FHIP1B: variants seen among roughly 807,000 people sequenced by gnomAD.
FHIP1B encodes the protein FHF complex subunit HOOK interacting protein 1B.
A neutral mutation model predicts 82.2 loss-of-function variants in FHIP1B; 28 were observed. The observed-to-expected ratio is 0.34, with a 90% CI of 0.25 to 0.47. The LOEUF is 0.47. Ranked by LOEUF, FHIP1B falls within the 20% of genes least tolerant of loss-of-function variation. FHIP1B has a pLI of 1.00. For synonymous variants in FHIP1B, 585 were observed against 516.1 expected (o/e 1.13, Z -1.81); for missense variants, 1,110 against 1,262.6 (o/e 0.88, Z 1.83).
Position 6,213,822 on chromosome 11 carries a change from T to C in FHIP1B, c.2557+589A>G, listed in dbSNP as rs145498843. ...ATAGCAGAAGCCTCCTGATGCTTCC[T>C]GACTCTTTTCTCCTAGCTTGACTGC... is the stretch of plus-strand genomic sequence containing the variant. On this transcript the variant is annotated intron_variant, in intron 11 of 11. Coordinates refer to ENST00000449352, the MANE Select transcript of FHIP1B (RefSeq NM_001098794.2). Among the ~76,000 whole-genome samples, 715 of 152,162 alleles carry C rather than the reference T, an allele frequency of 4.7e-3. 4 individuals carry two copies. Among genetic ancestry groups the C allele is most frequent in the African/African-American group, 0.017 (688 of 41,510 alleles).
intron 1 of FHIP1B, among the ~76,000 whole-genome samples, chr11:6,228,779 T>C (rs1158760674): frequency 1.3e-5 from 2 of 152,182 alleles, no homozygotes; most frequent in African/African-American, 2.4e-5. Context: ...GGTTTCTTAA[T>C]AAATCATTAA....
chr11:6,233,810 T>C (rs1170596794), intron 1 of FHIP1B, among the ~76,000 whole-genome samples: 1 of 152,186 alleles, frequency 6.6e-6, no homozygotes, highest in African/African-American at 2.4e-5. Context: ...AAACACAAGC[T>C]GTCACAGCGC....
rs779011170 is a variant in FHIP1B, at chr11:6,219,018, G to A, written c.1224C>T (p.Thr408=). 7 of 1,613,814 alleles carry A rather than the reference G, an allele frequency of 4.3e-6. No individual in the cohort carries two copies. Among genetic ancestry groups the A allele is most frequent in the Non-Finnish European group, 5.9e-6 (7 of 1,179,870 alleles). Residue 408 remains threonine, a synonymous_variant, in exon 7 of 12, where the codon ACC becomes ACT. Transcript: ENST00000449352. ...CATCCTCACAGCTGAGGTTCAGGAG[G>A]GTCCTGAAGAGACTCAGAGAGACCA... The part of the protein sequence containing the change: ...LCMVSLSLFR[T]LLNLSCEDVL...
intron 11 of FHIP1B, chr11:6,212,080 T>C (rs1847089656): frequency 1.9e-6 from 1 of 523,762 alleles, no homozygotes; most frequent in Non-Finnish European, 2.5e-6. Flanking sequence ...TGAGGAGTTC[T>C]TTCTCACTCC....
Position 6,218,723 on chromosome 11 carries a change from G to A in FHIP1B, c.1312C>T (p.Pro438Ser). The A allele has an allele frequency of 6.2e-7, 1 of 1,614,156 alleles. No individual in the cohort carries two copies. The highest frequency in any genetic ancestry group is 1.6e-4 in the Middle Eastern group (1 of 6,062). Reference protein sequence around the residue: ...PCNHVMLSQKPAVRDVDLYGR... With the variant: ...PCNHVMLSQKSAVRDVDLYGR... ...TATAGGTCCACATCACGAACAGCCG[G>A]CTTCTGGCTCAGCATAACGTGGTTA... The change falls in exon 8 of 12, where the codon CCG becomes TCG. Residue 438 changes from proline to serine, a missense_variant. By Grantham distance (74) the Pro-to-Ser change is moderately conservative. Transcript: ENST00000449352.
chr11:6,219,071 G>A lies in FHIP1B; in HGVS notation c.1192-21C>T, dbSNP rs765238167. 3.2e-6 allele frequency: 5 copies of A among 1,568,272 alleles called. 1 individual carries two copies. In the South Asian group the frequency reaches 4.5e-5, roughly 14 times the overall value. On this transcript the variant is annotated intron_variant, in intron 6 of 11. Transcript: ENST00000449352. ...CAGAGCTGGGGGGGTGGAGGGGAGG[G>A]AGGGAGTCACCATAAGAGCTCTCTG...
rs1003000198 is a variant in FHIP1B, at chr11:6,211,393, T to C, written c.*113A>G. The C allele has an allele frequency of 7.7e-7, 1 of 1,294,994 alleles. No individual in the cohort carries two copies. The highest frequency in any genetic ancestry group is 1.1e-6 in the Non-Finnish European group (1 of 949,018). 80.2% of individuals were successfully genotyped at this position (1,294,994 alleles called of 1,614,324 possible). ...TTGCAACAAGTTCTCCATAAAACAT[T>C]CATCTGAAATAAATTAAAAAGTCCT... is the stretch of plus-strand genomic sequence containing the variant. On this transcript the variant is annotated 3_prime_UTR_variant, in exon 12 of 12. Transcript: ENST00000449352.
chr11:6,230,916 T>C (rs1266034468), intron 1 of FHIP1B, among the ~76,000 whole-genome samples: 1 of 152,046 alleles, frequency 6.6e-6, no homozygotes, highest in Admixed American at 6.5e-5. Context: ...GACTAGGGAG[T>C]GGCACACGAG....
chr11:6,216,001 GTTCCT>G (rs989957907), intron 9 of FHIP1B, among the ~76,000 whole-genome samples: 13 of 151,954 alleles, frequency 8.6e-5, no homozygotes, highest in African/African-American at 2.9e-4. Context: ...ATTTTGTCCT[GTTCCT>G]TTCATTTCCT....
chr11:6,211,619 T>G lies in FHIP1B; in HGVS notation c.2806A>C (p.Lys936Gln). Residue 936 changes from lysine to glutamine, a missense_variant, in exon 12 of 12, where the codon AAG (lysine) becomes CAG (glutamine). This residue lies in a region of FHIP1B where 10 missense variants were observed against 33.2 expected (regional missense o/e 0.30). Transcript: ENST00000449352. ...YCAVIFPEFL[K>Q]ELAAISQAHA... Reference sequence around the variant, plus strand: ...GCCTGGGAGATGGCAGCCAACTCCTTGAGAAATTCAGGGAAAATGACTGCA... The same window carrying G: ...GCCTGGGAGATGGCAGCCAACTCCTGGAGAAATTCAGGGAAAATGACTGCA... 6.2e-7 allele frequency: 1 copy of G among 1,614,144 alleles called. No homozygotes were observed. The highest frequency in any genetic ancestry group is 8.5e-7 in the Non-Finnish European group (1 of 1,180,026).
Position 6,223,158 on chromosome 11 carries a change from C to T in FHIP1B, c.858G>A (p.Leu286=). ...GCACTCCCAGCCAGTCTTCCCGTCG[C>T]AGACAGTGCCAATCATCCCCTGGAA... ...IEVPGDDWHC[L]RREDWLGVPA... Residue 286 remains leucine (L), a synonymous_variant, in exon 4 of 12, where the codon CTG becomes CTA. Coordinates refer to ENST00000449352, the MANE Select transcript of FHIP1B (RefSeq NM_001098794.2). The surrounding 1 kb of genome is among the most constrained non-coding windows in gnomAD (Gnocchi z 4.8). 6.2e-7 allele frequency: 1 copy of T among 1,608,984 alleles called. No individual in the cohort carries two copies. The highest frequency in any genetic ancestry group is 8.5e-7 in the Non-Finnish European group (1 of 1,178,748).
rs1407052119 is a variant in FHIP1B, at chr11:6,216,976, T to C, written c.2215+395A>G. 4.6e-6 allele frequency: 3 copies of C among 647,790 alleles called. No individual in the cohort carries two copies. In the Admixed American group the frequency reaches 6.5e-5, roughly 14 times the overall value. The allele number at this position is 647,790 out of a possible 1,614,324, so 40.1% of individuals were successfully genotyped here. On this transcript the variant is annotated intron_variant, in intron 9 of 11. Transcript: ENST00000449352. ...TGGACGGAATGGCATAGAGAGTGTTTAGGTGCCTCTCCATACAGGACAGCA... is the reference window on the plus strand; with the variant it reads ...TGGACGGAATGGCATAGAGAGTGTTCAGGTGCCTCTCCATACAGGACAGCA...
Position 6,211,528 on chromosome 11 carries a change from C to T in FHIP1B, c.2897G>A (p.Gly966Asp), listed in dbSNP as rs564494787. 5 of 1,605,812 alleles carry T rather than the reference C, an allele frequency of 3.1e-6. No individual in the cohort carries two copies. Among genetic ancestry groups the T allele is most frequent in the South Asian group, 2.2e-5 (2 of 89,682 alleles). Residue 966 changes from glycine to aspartate, a missense_variant, in exon 12 of 12, where the codon GGC becomes GAC. Physicochemically the swap from Gly to Asp is moderately conservative, Grantham distance 94 (BLOSUM62 -1). Around this residue, in one of 6 missense-constraint regions of FHIP1B, gnomAD observed 29 missense variants for 21.5 expected, o/e 1.35. Coordinates refer to ENST00000449352, the MANE Select transcript of FHIP1B (RefSeq NM_001098794.2). Reference sequence around the variant, plus strand: ...AAGTTAAGGATTGAGGGGCCCACAGCCTGAGATGAGAGGGCCAGATCCTTC... The same window carrying T: ...AAGTTAAGGATTGAGGGGCCCACAGTCTGAGATGAGAGGGCCAGATCCTTC... ...SEEGSGPLIS[G>D]CGPLNP
rs144244508 is a variant in FHIP1B at position 6,225,204 on chromosome 11, T to C, written c.-191-497A>G. ...CTGTAATAGTTCAAATTCCTTATCT[T>C]GGCCTACAGGAGCCTACATAATCTA... On this transcript the variant is annotated intron_variant, in intron 1 of 11. Transcript: ENST00000449352. Among the ~76,000 whole-genome samples the C allele has an allele frequency of 1.1e-3, 167 of 152,358 alleles. No individual in the cohort carries two copies. The East Asian group carries it at 0.03, about 27-fold the overall frequency.
chr11:6,229,298 T>C (rs1475378369), intron 1 of FHIP1B, among the ~76,000 whole-genome samples: 3 of 152,232 alleles, frequency 2.0e-5, no homozygotes, highest in East Asian at 1.9e-4. Flanking sequence ...TCCTCATCTA[T>C]AAATTCCTGA....
intron 6 of FHIP1B, among the ~76,000 whole-genome samples, chr11:6,222,000 G>A (rs1446306526): frequency 3.3e-5 from 5 of 152,184 alleles, no homozygotes; most frequent in Non-Finnish European, 4.4e-5. Flanking sequence ...CCAAGCTATA[G>A]TTCAAAAGCA....
intron 1 of FHIP1B, among the ~76,000 whole-genome samples, chr11:6,234,227 T>C (rs1847780237): frequency 6.6e-6 from 1 of 151,786 alleles, no homozygotes; most frequent in South Asian, 2.1e-4. Context: ...TTACTCTCTC[T>C]CTCCTCGCGC....
Position 6,223,576 on chromosome 11 carries a change from C to T in FHIP1B, c.777+34G>A. The T allele has an allele frequency of 6.5e-7, 1 of 1,550,090 alleles. No individual in the cohort carries two copies. The highest frequency in any genetic ancestry group is 8.7e-7 in the Non-Finnish European group (1 of 1,148,740). On this transcript the variant is annotated intron_variant, in intron 3 of 11. Coordinates refer to ENST00000449352, the MANE Select transcript of FHIP1B (RefSeq NM_001098794.2). The surrounding 1 kb of genome is among the most constrained non-coding windows in gnomAD (Gnocchi z 4.8). ...GAAGGTGCTGTTCAGTATCTACACA[C>T]CACACCCTACCCTCCAAGCCAGGGG...
chr11:6,218,629 G>C lies in FHIP1B; in HGVS notation c.1406C>G (p.Pro469Arg). ...TGCCCATGAGGCATGCTCTGGACGA[G>C]GTGGGCTGGGGGCGTGGTGCCGACA... ...RCCRHHAPSP[P>R]RPEHASWARG... Residue 469 changes from proline to arginine, a missense_variant, in exon 8 of 12, where the codon CCT becomes CGT. Pro to Arg is a moderately radical substitution (Grantham distance 103, BLOSUM62 -2). Transcript: ENST00000449352. 1 of 1,614,152 alleles carries C rather than the reference G, an allele frequency of 6.2e-7. No individual in the cohort carries two copies. Among genetic ancestry groups the C allele is most frequent in the Non-Finnish European group, 8.5e-7 (1 of 1,180,024 alleles).
Sources: gnomAD v4.1 joint callset for allele counts (sites outside exome capture counted in the v4.1 genomes callset) on GRCh38, gnomAD v4.1.1 for gene constraint, gnomAD v4.1.1 regional missense constraint, Gnocchi (gnomAD v3.1) non-coding constraint, MANE v1.5 for transcripts, NCBI Gene and HGNC (gene_info 2026-07-23, HGNC 2026-07-21) for gene names.